Variants in FRMD4A observed in about 807,000 individuals in gnomAD.
FRMD4A encodes the protein FERM domain-containing protein 4A.
In FRMD4A, 29 loss-of-function variants were observed where a neutral mutation model predicts 129.1. That is an observed-to-expected ratio of 0.22 (90% CI 0.17 to 0.31). FRMD4A has a LOEUF of 0.31. Ranked by LOEUF, FRMD4A falls within the 10% of genes least tolerant of loss-of-function variation. The pLI is 1.00. For missense variants in FRMD4A, 1,272 were observed against 1,375.8 expected (o/e 0.92, Z 1.19); for synonymous variants, 634 against 571.6 (o/e 1.11, Z -1.56).
At chr10:13,891,715 G>A in intron 2 of FRMD4A, 1 of 984,866 alleles carries the variant, frequency 1.0e-6, no homozygotes, top group Non-Finnish European at 1.2e-6. Flanking sequence ...CCCGGGCGAA[G>A]GCCCTTGGCC....
In FRMD4A at chr10:13,808,597, C is replaced by T. The variant is rs557837038; in HGVS notation, c.206+2217G>A. Among the ~76,000 whole-genome samples the T allele has an allele frequency of 8.5e-5, 13 of 152,336 alleles. No homozygotes were observed. In the South Asian group the frequency reaches 1.9e-3, roughly 22 times the overall value. On this transcript the variant is annotated intron_variant, in intron 4 of 24. Transcript: ENST00000357447. ...GTCTGTTGGCCCTGGCATTGTACCG[C>T]CAGGACTGACAGCCCTTGAGTCACG...
Position 13,646,387 on chromosome 10 carries a change from C to A in FRMD4A, c.*651G>T, listed in dbSNP as rs41291329. 6.6e-6 allele frequency: 1 copy of A among 152,576 alleles called. No homozygotes were observed. Among genetic ancestry groups the A allele is most frequent in the Non-Finnish European group, 1.5e-5 (1 of 68,050 alleles). 9.5% of individuals were successfully genotyped at this position (152,576 alleles called of 1,614,324 possible). ...TGGTCCTCCGATGCATTTCTGGTGT[C>A]GAGAACTTCCTTTCTCAACCTCCCC... On this transcript the variant is annotated 3_prime_UTR_variant, in exon 25 of 25. Transcript: ENST00000357447.
chr10:14,039,230 GTTAT>G (rs1318193899), intron 2 of FRMD4A, among the ~76,000 whole-genome samples: 1 of 152,072 alleles, frequency 6.6e-6, no homozygotes. Flanking sequence ...TAATTGTATC[GTTAT>G]TTAATTATAT....
chr10:14,323,101 T>C (rs537443977), intron 2 of FRMD4A, among the ~76,000 whole-genome samples: 3 of 152,280 alleles, frequency 2.0e-5, no homozygotes, highest in African/African-American at 7.2e-5. Context: ...GGAACATCTG[T>C]TTTTCTAAAA....
intron 3 of FRMD4A, among the ~76,000 whole-genome samples, chr10:13,813,083 C>T (rs2093476630): frequency 6.6e-6 from 1 of 152,246 alleles, no homozygotes; most frequent in East Asian, 1.9e-4. Flanking sequence ...AGGAAGTATT[C>T]GGCTGCCCAA....
At position 13,731,014 on chromosome 10, in the gene FRMD4A, C is replaced by T. The variant is rs563404061; in HGVS notation, c.759+6830G>A. On this transcript the variant is annotated intron_variant, in intron 12 of 24. Coordinates refer to ENST00000357447, the MANE Select transcript of FRMD4A (RefSeq NM_018027.5). ...CTGCACTCCAGCCTGGGAGACAGAG[C>T]GAGACTCCCTCTCAAAAAAAAAAAA... Among the ~76,000 whole-genome samples, 448 of 147,798 alleles carry T rather than the reference C, an allele frequency of 3.0e-3. 1 individual carries two copies. The highest frequency in any genetic ancestry group is 6.9e-3 in the Middle Eastern group (2 of 290).
intron 4 of FRMD4A, among the ~76,000 whole-genome samples, chr10:13,808,064 G>A (rs753512225): frequency 6.6e-6 from 1 of 152,190 alleles, no homozygotes; most frequent in Non-Finnish European, 1.5e-5. Flanking sequence ...CTCCCAAAGT[G>A]CTGGGATTAC....
chr10:14,216,777 C>T (rs1482675541), intron 2 of FRMD4A, among the ~76,000 whole-genome samples: 1 of 152,090 alleles, frequency 6.6e-6, no homozygotes, highest in Non-Finnish European at 1.5e-5. Flanking sequence ...CTCTAGTTTT[C>T]TGATGTATAT....
chr10:14,031,651 G>C (rs995689622), intron 2 of FRMD4A, among the ~76,000 whole-genome samples: 2 of 152,176 alleles, frequency 1.3e-5, no homozygotes, highest in Admixed American at 6.5e-5. Flanking sequence ...GAGAACCAAG[G>C]CATGAGCTCT....
rs373405794 is a variant in FRMD4A at position 13,732,365 on chromosome 10, A to T, written c.759+5479T>A. Among the ~76,000 whole-genome samples, 4 of 152,158 alleles carry T rather than the reference A, an allele frequency of 2.6e-5. No homozygotes were observed. In the East Asian group the frequency reaches 7.7e-4, roughly 29 times the overall value. ...AGGGGTAGGTCATATGGAAACACTT[A>T]AGTGGATTCTCAAGGCGGCTGCTGA... On this transcript the variant is annotated intron_variant, in intron 12 of 24. Coordinates refer to ENST00000357447, the MANE Select transcript of FRMD4A (RefSeq NM_018027.5).
rs2082448777 is a variant in FRMD4A at position 13,659,423 on chromosome 10, T to G, written c.1966A>C (p.Asn656His). The change falls in exon 21 of 25, where the codon AAC (asparagine) becomes CAC (histidine). Residue 656 changes from asparagine to histidine, a missense_variant. This residue lies in a region of FRMD4A where 972 missense variants were observed against 892.3 expected (regional missense o/e 1.09). Coordinates refer to ENST00000357447, the MANE Select transcript of FRMD4A (RefSeq NM_018027.5). Reference protein sequence around the residue: ...EAGGGSNSLQNSPIRGLPHWN... With the variant: ...EAGGGSNSLQHSPIRGLPHWN... ...TGCGGGAGGCCGCGGATGGGGCTGT[T>G]CTGCAAGGAGTTGCTTCCTCCGCCG... 1.2e-6 allele frequency: 2 copies of G among 1,613,934 alleles called. No individual in the cohort carries two copies.
At chr10:14,136,549 C>T (rs923050160) in intron 2 of FRMD4A, among the ~76,000 whole-genome samples, 4 of 152,072 alleles carry the variant, frequency 2.6e-5, no homozygotes, top group African/African-American at 9.7e-5. Flanking sequence ...CCTCTACCCC[C>T]CAACCCCACT....
At chr10:13,750,045 A>AAAGGAAGGAAGG (rs60816536) in intron 8 of FRMD4A, among the ~76,000 whole-genome samples, 1 of 118,944 alleles carries the variant, frequency 8.4e-6, no homozygotes, top group African/African-American at 3.4e-5. Flanking sequence ...GAGGGAAAGG[A>AAAGGAAGGAAGG]AAGGAAGGAA....
chr10:14,055,383 G>T (rs551033579), intron 2 of FRMD4A, among the ~76,000 whole-genome samples: 70 of 151,558 alleles, frequency 4.6e-4, no homozygotes, highest in African/African-American at 1.7e-3. Context: ...AGAAGGTAAG[G>T]CTTGTGTTTC....
intron 2 of FRMD4A, among the ~76,000 whole-genome samples, chr10:14,303,118 G>A (rs1024504036): frequency 1.3e-5 from 2 of 152,150 alleles, no homozygotes; most frequent in African/African-American, 2.4e-5. Flanking sequence ...TTTGAAAAAC[G>A]CCGATGCTCA....
chr10:13,933,474 C>A (rs1258519203), intron 2 of FRMD4A, among the ~76,000 whole-genome samples: 4 of 152,108 alleles, frequency 2.6e-5, no homozygotes, highest in Non-Finnish European at 5.9e-5. Context: ...CTTGTTTATG[C>A]GTTTTGTCCC....
rs149405614 is a variant in FRMD4A, at chr10:13,983,945, G to C, written c.46-125033C>G. 3.1e-3 allele frequency among the ~76,000 whole-genome samples: 479 copies of C among 152,066 alleles called. 4 individuals carry two copies. The highest frequency in any genetic ancestry group is 0.01 in the African/African-American group (433 of 41,490). ...TTGAACCTGGGAGGCAGAGGTTGCA[G>C]TGAGCCGAGACTGCGCCACTGTACT... On this transcript the variant is annotated intron_variant, in intron 2 of 24. Transcript: ENST00000357447.
At chr10:13,817,668 C>T (rs985011125) in intron 3 of FRMD4A, among the ~76,000 whole-genome samples, 4 of 152,158 alleles carry the variant, frequency 2.6e-5, no homozygotes, top group Admixed American at 6.5e-5. Context: ...TCTTGCCTGC[C>T]GCCATGTAAG....
intron 12 of FRMD4A, among the ~76,000 whole-genome samples, chr10:13,734,573 C>T (rs1326943312): frequency 1.3e-5 from 2 of 152,184 alleles, no homozygotes; most frequent in Non-Finnish European, 2.9e-5. Context: ...CTCCCCGCCC[C>T]ATTCCTCCGT....
Sources: gnomAD v4.1 joint callset for allele counts (sites outside exome capture counted in the v4.1 genomes callset) on GRCh38, gnomAD v4.1.1 for gene constraint, gnomAD v4.1.1 regional missense constraint, MANE v1.5 for transcripts, NCBI Gene and HGNC (gene_info 2026-07-23, HGNC 2026-07-21) for gene names.